The following FAM107B variants were observed in gnomAD, a reference collection of about 807,000 sequenced individuals.
FAM107B encodes protein FAM107B.
A neutral mutation model predicts 31.5 loss-of-function variants in FAM107B; 21 were observed. The observed-to-expected ratio is 0.67, with a 90% CI of 0.47 to 0.96. The LOEUF is 0.96. FAM107B is among the 40% of genes least tolerant of loss of function. FAM107B has a pLI of 0.00. For synonymous variants in FAM107B, 157 were observed against 141.5 expected, an observed-to-expected ratio of 1.11 and a Z score of -0.78; for missense variants, 452 against 377.1, an observed-to-expected ratio of 1.20 and a Z score of -1.64.
At chr10:14,650,040 C>T (rs577872190) in intron 2 of FAM107B, among the ~76,000 whole-genome samples, 2 of 152,138 alleles carry the variant, frequency 1.3e-5, no homozygotes, top group Non-Finnish European at 2.9e-5. Flanking sequence ...CCATAGTATC[C>T]TGTCAATGTC....
At chr10:14,550,364 G>A (rs61836246) in intron 2 of FAM107B, among the ~76,000 whole-genome samples, 4,256 of 152,222 alleles carry the variant, frequency 0.028, 91 homozygotes, top group Non-Finnish European at 0.041. Context: ...TCTAGTCCTC[G>A]GCTGTCAGGT....
intron 2 of FAM107B, among the ~76,000 whole-genome samples, chr10:14,541,183 C>T (rs927210605): frequency 3.9e-5 from 6 of 152,266 alleles, no homozygotes; most frequent in Non-Finnish European, 5.9e-5. Context: ...CTTGGCTTCT[C>T]CATGGCCTCC....
chr10:14,554,303 G>A lies in FAM107B; in HGVS notation c.470-23788C>T, dbSNP rs546775279. ...AGAAACATGACACCCATCATGAGTA[G>A]GTTTACTAAAGGAAGGGAGGTGAGT... On this transcript the variant is annotated intron_variant, in intron 2 of 4. Transcript: ENST00000181796. 15 of 239,398 alleles carry A rather than the reference G, an allele frequency of 6.3e-5. No individual in the cohort carries two copies. The South Asian group carries it at 2.3e-3, about 37-fold the overall frequency. 14.8% of individuals were successfully genotyped at this position (239,398 alleles called of 1,614,324 possible).
At chr10:14,762,868 T>C in intron 1 of FAM107B, among the ~76,000 whole-genome samples, 1 of 152,042 alleles carries the variant, frequency 6.6e-6, no homozygotes, top group East Asian at 1.9e-4. Flanking sequence ...TGAACCTCAT[T>C]TGGTCCTTTA....
chr10:14,712,615 A>C (rs1855677065), intron 1 of FAM107B, among the ~76,000 whole-genome samples: 1 of 103,668 alleles, frequency 9.6e-6, no homozygotes, highest in African/African-American at 4.1e-5. Context: ...TCCCACCAAA[A>C]AACAAAAAAA....
intron 2 of FAM107B, among the ~76,000 whole-genome samples, chr10:14,543,048 A>G (rs1449307527): frequency 1.3e-5 from 2 of 152,202 alleles, no homozygotes; most frequent in Non-Finnish European, 2.9e-5. Context: ...AAAATTGATA[A>G]ATTACACTTA....
chr10:14,692,135 GGGAA>G, intron 1 of FAM107B, among the ~76,000 whole-genome samples: 2 of 152,106 alleles, frequency 1.3e-5, no homozygotes, highest in South Asian at 4.1e-4. Flanking sequence ...GAACCAGGCT[GGGAA>G]GGCAATCGAG....
chr10:14,574,431 T>C (rs1851401687), intron 2 of FAM107B, among the ~76,000 whole-genome samples: 1 of 152,212 alleles, frequency 6.6e-6, no homozygotes, highest in Admixed American at 6.5e-5. Context: ...GCAAACAGCA[T>C]TTGGGAAACA....
chr10:14,572,538 G>C (rs1851297317), intron 2 of FAM107B, among the ~76,000 whole-genome samples: 1 of 151,710 alleles, frequency 6.6e-6, no homozygotes. Flanking sequence ...AATGTGCTAA[G>C]AATTTTCTAT....
chr10:14,538,482 G>A (rs994633838), intron 2 of FAM107B, among the ~76,000 whole-genome samples: 3 of 152,220 alleles, frequency 2.0e-5, no homozygotes, highest in African/African-American at 7.2e-5. Flanking sequence ...TACTGCATGC[G>A]TCCATGTACA....
intron 2 of FAM107B, among the ~76,000 whole-genome samples, chr10:14,658,365 A>G (rs1185636069): frequency 6.6e-6 from 1 of 152,226 alleles, no homozygotes; most frequent in Non-Finnish European, 1.5e-5. Context: ...TAAACTCAGG[A>G]CAAAGGAAGT....
intron 1 of FAM107B, among the ~76,000 whole-genome samples, chr10:14,766,444 G>A (rs1426759217): frequency 6.6e-6 from 1 of 152,170 alleles, no homozygotes; most frequent in African/African-American, 2.4e-5. Flanking sequence ...AAATGGATTA[G>A]ATGCTTAGTA....
At chr10:14,586,251 T>C (rs967118912) in intron 2 of FAM107B, among the ~76,000 whole-genome samples, 34 of 152,144 alleles carry the variant, frequency 2.2e-4, no homozygotes, top group Admixed American at 2.0e-4. Context: ...AAAACCCACC[T>C]TCTCTTCAGA....
intron 2 of FAM107B, among the ~76,000 whole-genome samples, chr10:14,596,452 G>A (rs954010979): frequency 6.6e-6 from 1 of 152,178 alleles, no homozygotes; most frequent in African/African-American, 2.4e-5. Flanking sequence ...GCATATGGCA[G>A]CATTCATTAA....
At chr10:14,656,269 G>T (rs1854051955) in intron 2 of FAM107B, among the ~76,000 whole-genome samples, 1 of 152,160 alleles carries the variant, frequency 6.6e-6, no homozygotes, top group African/African-American at 2.4e-5. Flanking sequence ...GGGGCATGGG[G>T]GCGATAAAGA....
intron 1 of FAM107B, among the ~76,000 whole-genome samples, chr10:14,745,927 G>A (rs1241793592): frequency 6.6e-6 from 1 of 152,068 alleles, no homozygotes; most frequent in Non-Finnish European, 1.5e-5. Context: ...TTATTGCGTA[G>A]GAGTCTAAGT....
At chr10:14,633,874 T>A (rs118174788) in intron 2 of FAM107B, among the ~76,000 whole-genome samples, 5,824 of 152,314 alleles carry the variant, frequency 0.038, 134 homozygotes, top group Non-Finnish European at 0.056. Flanking sequence ...ATGTTTCTTT[T>A]TCTGGTCAAT....
chr10:14,699,045 C>G (rs548849751), intron 1 of FAM107B, among the ~76,000 whole-genome samples: 37 of 149,962 alleles, frequency 2.5e-4, no homozygotes, highest in African/African-American at 8.0e-4. Flanking sequence ...ACCCTGCGAG[C>G]AGGCAGAGGT....
At chr10:14,653,509 G>T (rs1413530968) in intron 2 of FAM107B, among the ~76,000 whole-genome samples, 1 of 152,196 alleles carries the variant, frequency 6.6e-6, no homozygotes, top group African/African-American at 2.4e-5. Context: ...TCAAGGAAGA[G>T]CTCTGGGAGA....
Sources: gnomAD v4.1 joint callset for allele counts (sites outside exome capture counted in the v4.1 genomes callset) on GRCh38, gnomAD v4.1.1 for gene constraint, MANE v1.5 for transcripts, NCBI Gene and HGNC (gene_info 2026-07-23, HGNC 2026-07-21) for gene names.